The following CATSPERB variants were observed in gnomAD, a reference collection of about 807,000 sequenced individuals.
The protein encoded by CATSPERB is cation channel sperm-associated auxiliary subunit beta.
In CATSPERB, 93 loss-of-function variants were observed where a neutral mutation model predicts 128.3. That is an observed-to-expected ratio of 0.72 (90% CI 0.61 to 0.86). The LOEUF (loss-of-function observed/expected upper bound fraction) is 0.86. CATSPERB is among the 40% of genes least tolerant of loss of function. CATSPERB has a pLI of 0.00. For missense variants in CATSPERB, 1,153 were observed against 1,329.5 expected (o/e 0.87, Z 2.06); for synonymous variants, 381 against 448.8 (o/e 0.85, Z 1.91).
At chr14:91,669,382 G>A (rs921948010) in intron 14 of CATSPERB, among the ~76,000 whole-genome samples, 1 of 152,134 alleles carries the variant, frequency 6.6e-6, no homozygotes, top group African/African-American at 2.4e-5. Flanking sequence ...GACTGAAGGA[G>A]CAGCCAGAGG....
intron 15 of CATSPERB, among the ~76,000 whole-genome samples, chr14:91,649,506 T>G (rs948082282): frequency 2.0e-5 from 3 of 151,508 alleles, no homozygotes; most frequent in African/African-American, 7.3e-5. Context: ...ACACACTTTT[T>G]TTTTTTTTTG....
intron 26 of CATSPERB, among the ~76,000 whole-genome samples, chr14:91,583,418 C>CA (rs200269618): frequency 0.01 from 1,481 of 147,998 alleles, 9 homozygotes; most frequent in Non-Finnish European, 0.015. Context: ...GACTCCATCT[C>CA]AAAAAAAAAA....
intron 15 of CATSPERB, among the ~76,000 whole-genome samples, chr14:91,650,078 T>A (rs1236470489): frequency 6.6e-6 from 1 of 152,228 alleles, no homozygotes; most frequent in Non-Finnish European, 1.5e-5. Context: ...GTCTTATAAT[T>A]GATGTGTCTT....
At chr14:91,660,072 C>T in intron 14 of CATSPERB, 91 bp from the exon 15 acceptor site, 1 of 1,116,174 alleles carries the variant, frequency 9.0e-7, no homozygotes, top group Non-Finnish European at 1.3e-6. Flanking sequence ...AGCCATGTGG[C>T]ATGATCTTTT....
rs3029803 is a variant in CATSPERB, at chr14:91,587,477, C to CTTTTTTTTTTT, written c.3058-212_3058-202dup. ...AAGTGGAGGGATTCAATAGCTGATA[C>CTTTTTTTTTTT]TTTTTTTTTTTTTTTTTTTTTTTTT... On this transcript the variant is annotated intron_variant, in intron 25 of 26. Transcript: ENST00000256343. Among the ~76,000 whole-genome samples, 33 of 101,542 alleles carry CTTTTTTTTTTT rather than the reference C, an allele frequency of 3.2e-4. 3 individuals are homozygous for CTTTTTTTTTTT. Among genetic ancestry groups the CTTTTTTTTTTT allele is most frequent in the Admixed American group, 5.3e-4 (5 of 9,490 alleles). The allele number at this position is 101,542 out of a possible 152,430, so 66.6% of individuals were successfully genotyped here.
At position 91,704,602 on chromosome 14, in the gene CATSPERB, C is replaced by T. The variant is rs745593707; in HGVS notation, c.566G>A (p.Cys189Tyr). ...VVDLKVTKCP[C>Y]ANDVALLGFI... ...GCCTAGTAATGCCACATCATTGGCA[C>T]AGGGGCATTTTGTCACTTTGAGATC... The change falls in exon 7 of 27, where the codon TGT (cysteine) becomes TAT (tyrosine). Residue 189 changes from cysteine (C) to tyrosine (Y), a missense_variant. Cys to Tyr is a radical substitution (Grantham distance 194). Transcript: ENST00000256343. 3.1e-6 allele frequency: 5 copies of T among 1,611,670 alleles called. No homozygotes were observed. The highest frequency in any genetic ancestry group is 4.2e-6 in the Non-Finnish European group (5 of 1,179,248).
At chr14:91,698,859 ACCT>A (rs1364721004) in intron 7 of CATSPERB, among the ~76,000 whole-genome samples, 2 of 151,556 alleles carry the variant, frequency 1.3e-5, no homozygotes, top group African/African-American at 4.9e-5. Context: ...CTCCCTCCCA[ACCT>A]CCTCCTTCTG....
intron 26 of CATSPERB, among the ~76,000 whole-genome samples, chr14:91,582,086 A>G (rs886627981): frequency 3.9e-5 from 6 of 152,190 alleles, no homozygotes; most frequent in African/African-American, 1.4e-4. Flanking sequence ...CAGTACTGCT[A>G]CTGTGATTAT....
At chr14:91,700,779 CCT>C (rs1895634881) in intron 7 of CATSPERB, among the ~76,000 whole-genome samples, 1 of 151,972 alleles carries the variant, frequency 6.6e-6, no homozygotes, top group Non-Finnish European at 1.5e-5. Context: ...TACTCACAGA[CCT>C]GAAGTATGGC....
intron 20 of CATSPERB, among the ~76,000 whole-genome samples, chr14:91,612,107 T>C (rs1170584010): frequency 1.3e-5 from 2 of 151,066 alleles, no homozygotes; most frequent in East Asian, 3.9e-4. Context: ...TCACCCAGGC[T>C]GGAGTACAGT....
intron 10 of CATSPERB, among the ~76,000 whole-genome samples, chr14:91,690,353 G>A (rs1253174945): frequency 6.6e-6 from 1 of 151,964 alleles, no homozygotes; most frequent in Non-Finnish European, 1.5e-5. Flanking sequence ...TGCATACCTT[G>A]TGTCAGGTGC....
At chr14:91,693,267 G>A in intron 8 of CATSPERB, 23 bp from the exon 9 acceptor site, 4 of 1,579,258 alleles carry the variant, frequency 2.5e-6, no homozygotes, top group Non-Finnish European at 3.5e-6. Flanking sequence ...ATCATACCAT[G>A]GATTAAAAAG....
chr14:91,596,889 ATT>A (rs35535316), intron 22 of CATSPERB, among the ~76,000 whole-genome samples: 7 of 143,994 alleles, frequency 4.9e-5, no homozygotes, highest in Non-Finnish European at 3.1e-5. Context: ...AAAAGACATA[ATT>A]TTTTTTTTTT....
At chr14:91,639,301 A>G (rs1420912606) in intron 15 of CATSPERB, 51 bp from the exon 16 acceptor site, 3 of 1,505,486 alleles carry the variant, frequency 2.0e-6, no homozygotes, top group Admixed American at 3.7e-5. Context: ...CAGAAGTCGA[A>G]AAACTTTAAT....
At chr14:91,707,702 G>A (rs893475101) in intron 6 of CATSPERB, among the ~76,000 whole-genome samples, 3 of 143,560 alleles carry the variant, frequency 2.1e-5, no homozygotes, top group Non-Finnish European at 3.0e-5. Context: ...GGGTTTAAGC[G>A]ATTCTCCTGC....
chr14:91,656,062 T>C (rs1342312946), intron 15 of CATSPERB, among the ~76,000 whole-genome samples: 1 of 151,992 alleles, frequency 6.6e-6, no homozygotes, highest in Non-Finnish European at 1.5e-5. Flanking sequence ...AAAACTTTTA[T>C]CCCAGAATGG....
intron 26 of CATSPERB, among the ~76,000 whole-genome samples, chr14:91,586,571 A>AAAGAGAGAGAGAGAG (rs1555358774): frequency 4.4e-5 from 5 of 114,190 alleles, no homozygotes; most frequent in African/African-American, 1.8e-4. Context: ...GAGAGAGAGA[A>AAAGAGAGAGAGAGAG]AGAGAGAGAG....
At chr14:91,642,953 G>A (rs374299281) in intron 15 of CATSPERB, among the ~76,000 whole-genome samples, 3 of 129,210 alleles carry the variant, frequency 2.3e-5, no homozygotes, top group Non-Finnish European at 4.9e-5. Flanking sequence ...TGTATGTGTC[G>A]AGGAATTTAT....
chr14:91,617,537 AGTT>A lies in CATSPERB; in HGVS notation c.2400+57_2400+59del. On this transcript the variant is annotated intron_variant, in intron 20 of 26. Coordinates refer to ENST00000256343, the MANE Select transcript of CATSPERB (RefSeq NM_024764.4). ...ATGATGCTCATTAAATATTAATAAT[AGTT>A]GTTTCAGAAAATTTTTTCATCAGTA... 5 of 1,281,318 alleles carry A rather than the reference AGTT, an allele frequency of 3.9e-6. No homozygotes were observed. The South Asian group carries it at 5.8e-5, about 15-fold the overall frequency. 79.4% of individuals were successfully genotyped at this position (1,281,318 alleles called of 1,614,324 possible).
Sources: gnomAD v4.1 joint callset for allele counts (sites outside exome capture counted in the v4.1 genomes callset) on GRCh38, gnomAD v4.1.1 for gene constraint, MANE v1.5 for transcripts, NCBI Gene and HGNC (gene_info 2026-07-23, HGNC 2026-07-21) for gene names.